Variants in SZRD1 observed in about 807,000 individuals in gnomAD.
SZRD1 encodes SUZ RNA-binding domain-containing.
In SZRD1, 7 loss-of-function variants were observed where a neutral mutation model predicts 17.6. That is an observed-to-expected ratio of 0.40 (90% CI 0.23 to 0.75). The LOEUF is 0.75. SZRD1 is among the 30% of genes least tolerant of loss of function. SZRD1 has a pLI of 0.38. For synonymous variants in SZRD1, 77 were observed against 77.9 expected, an observed-to-expected ratio of 0.99 and a Z score of 0.06; for missense variants, 178 against 201.8, an observed-to-expected ratio of 0.88 and a Z score of 0.71.
intron 1 of SZRD1, among the ~76,000 whole-genome samples, chr1:16,385,932 C>T (rs1196785949): frequency 6.6e-6 from 1 of 152,188 alleles, no homozygotes; most frequent in Non-Finnish European, 1.5e-5. Flanking sequence ...CCTTCCTCCC[C>T]ACTGTGCTTC....
Position 16,371,438 on chromosome 1 carries a change from C to T in SZRD1, c.51+4130C>T, listed in dbSNP as rs534014967. 2.5e-3 allele frequency among the ~76,000 whole-genome samples: 361 copies of T among 145,376 alleles called. 1 individual carries two copies. Among genetic ancestry groups the T allele is most frequent in the Admixed American group, 4.9e-3 (72 of 14,584 alleles). On this transcript the variant is annotated intron_variant, in intron 1 of 3. Transcript: ENST00000401088. ...ATCCCTCTGCTCCCCCCTCTCCCTT[C>T]CTTTTTTTTCCTTTTTTTTTTTCCC...
chr1:16,383,816 C>T (rs996960972), intron 1 of SZRD1, among the ~76,000 whole-genome samples: 4 of 151,788 alleles, frequency 2.6e-5, no homozygotes, highest in Non-Finnish European at 5.9e-5. Context: ...GATAGGGTTT[C>T]ACCATGTTGG....
At chr1:16,380,210 C>T (rs551969403) in intron 1 of SZRD1, among the ~76,000 whole-genome samples, 114 of 152,192 alleles carry the variant, frequency 7.5e-4, no homozygotes, top group South Asian at 7.3e-3. Context: ...CAAGGTGGTG[C>T]GCGGCTGTAT....
chr1:16,392,191 G>GTCC (rs1416167850), intron 2 of SZRD1, among the ~76,000 whole-genome samples: 2 of 152,162 alleles, frequency 1.3e-5, no homozygotes, highest in Admixed American at 1.3e-4. Context: ...CTGGGTTACA[G>GTCC]TCCTCGTTCC....
In SZRD1 at chr1:16,367,312, A is replaced by G. The variant is rs894737908; in HGVS notation, c.51+4A>G. On this transcript the variant is annotated splice_donor_region_variant and intron_variant, in intron 1 of 3. Coordinates refer to ENST00000401088, the MANE Select transcript of SZRD1 (RefSeq NM_001114600.3). ...GGAAGAGGCGGCAGACAGCGGGGTA[A>G]GGAGGAGCCGCCGTCCCATGGCAGG... 4.5e-6 allele frequency: 7 copies of G among 1,548,384 alleles called. No individual in the cohort carries two copies. The East Asian group carries it at 7.3e-5, about 16-fold the overall frequency.
intron 3 of SZRD1, among the ~76,000 whole-genome samples, chr1:16,394,156 T>G (rs1281530895): frequency 6.6e-6 from 1 of 152,234 alleles, no homozygotes; most frequent in Non-Finnish European, 1.5e-5. Flanking sequence ...GGTTTGGTAT[T>G]CTGGGACTTG....
At chr1:16,368,736 A>C (rs895135594) in intron 1 of SZRD1, among the ~76,000 whole-genome samples, 2 of 152,222 alleles carry the variant, frequency 1.3e-5, no homozygotes, top group Non-Finnish European at 2.9e-5. Flanking sequence ...TTTTCGGTAC[A>C]GGCGTTTATT....
intron 1 of SZRD1, among the ~76,000 whole-genome samples, chr1:16,370,613 C>T (rs2100689931): frequency 6.6e-6 from 1 of 150,958 alleles, no homozygotes; most frequent in East Asian, 1.9e-4. Flanking sequence ...TGCCACTATG[C>T]CTGGCAGCTT....
rs2085252048 is a variant in SZRD1, at chr1:16,393,569, G to A, written c.356+87G>A. On this transcript the variant is annotated intron_variant, in intron 3 of 3. Transcript: ENST00000401088. The surrounding 1 kb of genome is among the most constrained non-coding windows in gnomAD (Gnocchi z 5.6). The stretch of plus-strand genomic sequence containing the variant: ...GCATCCTGGCTGCGTGTAGAGTAGT[G>A]AGAAGCAAGCAGAGTCAGGGTAGGA... 10 of 1,403,668 alleles carry A rather than the reference G, an allele frequency of 7.1e-6. No homozygotes were observed. The highest frequency in any genetic ancestry group is 1.4e-5 in the African/African-American group (1 of 70,662). The allele number at this position is 1,403,668 out of a possible 1,614,324, so 87.0% of individuals were successfully genotyped here.
intron 1 of SZRD1, chr1:16,387,673 A>C (rs182679547): frequency 2.2e-6 from 1 of 456,694 alleles, no homozygotes; most frequent in Admixed American, 2.3e-5. Context: ...TAAATTCTAC[A>C]GCTGTCAAGG....
At position 16,396,929 on chromosome 1, in the gene SZRD1, C is replaced by T. The variant is rs551244572; in HGVS notation, c.*1789C>T. The T allele has an allele frequency of 6.6e-6, 1 of 152,524 alleles. No individual in the cohort carries two copies. The highest frequency in any genetic ancestry group is 1.9e-4 in the East Asian group (1 of 5,184). 9.4% of individuals were successfully genotyped at this position (152,524 alleles called of 1,614,324 possible). On this transcript the variant is annotated 3_prime_UTR_variant, in exon 4 of 4. Transcript: ENST00000401088. Reference sequence around the variant, plus strand: ...TTCAGTCAGTAAGAGGGAGGATTACCTTCAGGAGAAGGCAAGGAAGAAAAC... The same window carrying T: ...TTCAGTCAGTAAGAGGGAGGATTACTTTCAGGAGAAGGCAAGGAAGAAAAC...
At chr1:16,389,280 G>A (rs142567848) in intron 1 of SZRD1, among the ~76,000 whole-genome samples, 3,585 of 137,364 alleles carry the variant, frequency 0.026, 203 homozygotes, top group African/African-American at 0.091. Context: ...GGGGGGTGGG[G>A]GGGGGGCAGA....
Position 16,396,123 on chromosome 1 carries a change from T to G in SZRD1, c.*983T>G, listed in dbSNP as rs2085307569. The G allele has an allele frequency of 6.6e-6, 1 of 152,566 alleles. No individual in the cohort carries two copies. The highest frequency in any genetic ancestry group is 2.4e-5 in the African/African-American group (1 of 41,420). 9.5% of individuals were successfully genotyped at this position (152,566 alleles called of 1,614,324 possible). A position where few individuals can be genotyped will look rare whatever the true frequency, so the allele number is the denominator to read the frequency against. ...GCTTAGAAGTGACGGAGAGAAGACTTGTTTAGTATTTTGCCATCAGCACAA... is the reference window on the plus strand; with the variant it reads ...GCTTAGAAGTGACGGAGAGAAGACTGGTTTAGTATTTTGCCATCAGCACAA... On this transcript the variant is annotated 3_prime_UTR_variant, in exon 4 of 4. Transcript: ENST00000401088.
chr1:16,370,030 C>T (rs1362147510), intron 1 of SZRD1, among the ~76,000 whole-genome samples: 1 of 151,982 alleles, frequency 6.6e-6, no homozygotes, highest in African/African-American at 2.4e-5. Context: ...GAGGCATTGT[C>T]CCCCTTTTAT....
At chr1:16,390,589 C>G (rs1424779128) in intron 1 of SZRD1, 1 of 152,190 alleles carries the variant, frequency 6.6e-6, no homozygotes, top group African/African-American at 2.4e-5. Context: ...CCTCCAAAGC[C>G]ACAAACATAA....
chr1:16,382,775 C>T (rs531295031), intron 1 of SZRD1, among the ~76,000 whole-genome samples: 30 of 151,870 alleles, frequency 2.0e-4, no homozygotes, highest in African/African-American at 6.5e-4. Flanking sequence ...GGATTACAGG[C>T]GTGAGCCACT....
chr1:16,381,921 T>C (rs1312788983), intron 1 of SZRD1, among the ~76,000 whole-genome samples: 2 of 151,916 alleles, frequency 1.3e-5, no homozygotes, highest in East Asian at 3.9e-4. Flanking sequence ...CAAGACTCCA[T>C]TGCAAAACAA....
intron 1 of SZRD1, among the ~76,000 whole-genome samples, chr1:16,375,825 A>G (rs370033920): frequency 1.3e-5 from 2 of 152,320 alleles, no homozygotes; most frequent in South Asian, 4.1e-4. Flanking sequence ...GGAAAGTATG[A>G]CTTGAGTCTG....
In SZRD1 at chr1:16,384,558, A is replaced by G. The variant is rs145928193; in HGVS notation, c.52-6817A>G. 1.6e-3 allele frequency among the ~76,000 whole-genome samples: 249 copies of G among 152,190 alleles called. 1 individual carries two copies. Among genetic ancestry groups the G allele is most frequent in the African/African-American group, 5.6e-3 (233 of 41,536 alleles). On this transcript the variant is annotated intron_variant, in intron 1 of 3. Transcript: ENST00000401088. ...TCAGAATCCCATCCATATTTGTGGT[A>G]TGGGAAACAAGACCCCTTGCAGGGG...
Sources: gnomAD v4.1 joint callset for allele counts (sites outside exome capture counted in the v4.1 genomes callset) on GRCh38, gnomAD v4.1.1 for gene constraint, Gnocchi (gnomAD v3.1) non-coding constraint, MANE v1.5 for transcripts, NCBI Gene and HGNC (gene_info 2026-07-23, HGNC 2026-07-21) for gene names.